The following FBXO34 variants were observed in gnomAD, a reference collection of about 807,000 sequenced individuals.
FBXO34 encodes the protein F-box protein 34.
Under a neutral mutation model 24.5 loss-of-function variants are expected in FBXO34, and 12 were observed. The observed-to-expected ratio is 0.49, with a 90% confidence interval of 0.31 to 0.79. The LOEUF (loss-of-function observed/expected upper bound fraction) is 0.79. FBXO34 is among the 30% of genes least tolerant of loss of function. FBXO34 has a pLI of 0.04. For synonymous variants in FBXO34, 320 were observed against 311.9 expected (o/e 1.03, Z -0.27); for missense variants, 823 against 857.7 (o/e 0.96, Z 0.51).
At chr14:55,384,339 T>G in the FBXO34 span, among the ~76,000 whole-genome samples, 1 of 152,238 alleles carries the variant, frequency 6.6e-6, no homozygotes, top group Non-Finnish European at 1.5e-5. Flanking sequence ...TTCACTCAAC[T>G]TCCCCAAAGT....
chr14:55,271,424 C>A lies in FBXO34; in HGVS notation c.-124C>A, dbSNP rs1321553127. ...GCGCCGCCGCGCCGCGCTGGGTGCTCGGTCCGACTCAGCGGTGGGGAGTGA... is the reference window on the plus strand; with the variant it reads ...GCGCCGCCGCGCCGCGCTGGGTGCTAGGTCCGACTCAGCGGTGGGGAGTGA... On this transcript the variant is annotated 5_prime_UTR_variant, in exon 1 of 2. Transcript: ENST00000313833. 6.6e-6 allele frequency: 1 copy of A among 152,160 alleles called. No homozygotes were observed. Among genetic ancestry groups the A allele is most frequent in the African/African-American group, 2.4e-5 (1 of 41,402 alleles). The allele number at this position is 152,160 out of a possible 1,614,324, so 9.4% of individuals were successfully genotyped here. A position where few individuals can be genotyped will look rare whatever the true frequency, so the allele number is the denominator to read the frequency against.
At chr14:55,395,082 C>A in the FBXO34 span, 2 of 503,744 alleles carry the variant, frequency 4.0e-6, no homozygotes, top group African/African-American at 3.9e-5. Context: ...CTTTTGTTTG[C>A]ACTTTTTTGT....
intron 1 of FBXO34, among the ~76,000 whole-genome samples, chr14:55,287,418 C>T (rs1428542741): frequency 6.6e-6 from 1 of 151,958 alleles, no homozygotes; most frequent in African/African-American, 2.4e-5. Context: ...TATACTTATT[C>T]ACACATAAGT....
the FBXO34 span, chr14:55,395,198 G>GGA: frequency 2.4e-6 from 1 of 416,072 alleles, no homozygotes; most frequent in Admixed American, 2.8e-5. Context: ...CTTCCTCTGT[G>GGA]GCCCATTCAG....
intron 1 of FBXO34, chr14:55,299,043 T>C: frequency 6.2e-7 from 1 of 1,601,708 alleles, no homozygotes; most frequent in Non-Finnish European, 8.6e-7. Flanking sequence ...GGAGGAGATT[T>C]CAACAGCAAT....
chr14:55,406,361 G>T, the FBXO34 span, among the ~76,000 whole-genome samples: 1 of 152,194 alleles, frequency 6.6e-6, no homozygotes, highest in Non-Finnish European at 1.5e-5. Context: ...GTGCTGTAAG[G>T]TTCCAGATTT....
At chr14:55,325,854 A>G (rs1427671369) in intron 1 of FBXO34, 1 of 152,222 alleles carries the variant, frequency 6.6e-6, no homozygotes, top group Non-Finnish European at 1.5e-5. Flanking sequence ...GTACTCTATA[A>G]TTGGTTCTGC....
At chr14:55,436,254 G>A in the FBXO34 span, among the ~76,000 whole-genome samples, 7 of 152,036 alleles carry the variant, frequency 4.6e-5, no homozygotes, top group Non-Finnish European at 1.0e-4. Context: ...TATATCCTTG[G>A]TGTTTATCCA....
chr14:55,298,747 A>G, intron 1 of FBXO34: 1 of 1,569,330 alleles, frequency 6.4e-7, no homozygotes, highest in Non-Finnish European at 8.8e-7. Flanking sequence ...AAGAAACAGG[A>G]GTTCCTGGAG....
chr14:55,325,310 C>T (rs1883303439), intron 1 of FBXO34, among the ~76,000 whole-genome samples: 1 of 152,110 alleles, frequency 6.6e-6, no homozygotes, highest in South Asian at 2.1e-4. Context: ...ACCTTCTAGA[C>T]TTATAAATAT....
the FBXO34 span, chr14:55,411,695 C>T: frequency 6.2e-7 from 1 of 1,612,960 alleles, no homozygotes; most frequent in Non-Finnish European, 8.5e-7. Flanking sequence ...GCACAGCGGG[C>T]AGCGCTCCAC....
chr14:55,436,613 TG>T, the FBXO34 span: 1 of 1,614,200 alleles, frequency 6.2e-7, no homozygotes. Context: ...ATTGGTGTCA[TG>T]GGAGTTATGG....
At chr14:55,331,560 TAC>T (rs1555338486) in intron 1 of FBXO34, among the ~76,000 whole-genome samples, 6 of 142,670 alleles carry the variant, frequency 4.2e-5, no homozygotes, top group Admixed American at 7.1e-5. Flanking sequence ...TATATATATA[TAC>T]ACACACACAC....
chr14:55,395,467 C>T, the FBXO34 span, among the ~76,000 whole-genome samples: 1 of 152,238 alleles, frequency 6.6e-6, no homozygotes, highest in African/African-American at 2.4e-5. Flanking sequence ...ATTCTCCTGC[C>T]TCAGCCTCCC....
chr14:55,272,555 A>G (rs190076902), intron 1 of FBXO34, among the ~76,000 whole-genome samples: 22 of 141,614 alleles, frequency 1.6e-4, no homozygotes, highest in African/African-American at 5.9e-4. Context: ...CTGGACATCT[A>G]TCTGCTTGTT....
intron 1 of FBXO34, chr14:55,282,249 T>A: frequency 3.1e-6 from 1 of 324,468 alleles, no homozygotes; most frequent in South Asian, 2.6e-5. Context: ...CGCCTCAGCC[T>A]CCCAAAGTGC....
chr14:55,356,371 G>A (rs915926787), downstream of FBXO34, among the ~76,000 whole-genome samples: 1 of 152,212 alleles, frequency 6.6e-6, no homozygotes, highest in Non-Finnish European at 1.5e-5. Flanking sequence ...TTATCTAGCT[G>A]TATGTCGGGT....
downstream of FBXO34, among the ~76,000 whole-genome samples, chr14:55,374,775 C>T (rs1189403112): frequency 2.0e-5 from 3 of 152,216 alleles, no homozygotes; most frequent in African/African-American, 7.2e-5. Context: ...GAACCATTAT[C>T]TGATTCAACG....
At chr14:55,360,026 G>T (rs1199403666) in intron 3 of FBXO34, among the ~76,000 whole-genome samples, 3 of 151,996 alleles carry the variant, frequency 2.0e-5, no homozygotes, top group Non-Finnish European at 4.4e-5. Context: ...GCTGCAGTGA[G>T]CCATGATCAT....
Sources: gnomAD v4.1 joint callset for allele counts (sites outside exome capture counted in the v4.1 genomes callset) on GRCh38, gnomAD v4.1.1 for gene constraint, MANE v1.5 for transcripts, NCBI Gene and HGNC (gene_info 2026-07-23, HGNC 2026-07-21) for gene names.